The following GABRG3 variants were observed in gnomAD, a reference collection of about 807,000 sequenced individuals.
The protein encoded by GABRG3 is gamma-aminobutyric acid receptor subunit gamma-3.
GABRG3 carries 25 observed loss-of-function variants against 48.8 expected under a neutral mutation model. The observed-to-expected ratio is 0.51, with a 90% CI of 0.37 to 0.72. GABRG3 has a LOEUF of 0.72. GABRG3 is among the 30% of genes least tolerant of loss of function. The pLI is 0.00. For synonymous variants in GABRG3, 227 were observed against 217.6 expected, an observed-to-expected ratio of 1.04 and a Z score of -0.38; for missense variants, 394 against 577.9, an observed-to-expected ratio of 0.68 and a Z score of 3.26.
At chr15:27,486,163 C>T (rs767373551) in intron 6 of GABRG3, among the ~76,000 whole-genome samples, 11 of 152,224 alleles carry the variant, frequency 7.2e-5, no homozygotes, top group South Asian at 2.1e-4. Context: ...CGCTTAGAAG[C>T]GGCTTTGTAG....
intron 3 of GABRG3, among the ~76,000 whole-genome samples, chr15:27,067,801 C>A (rs997626722): frequency 6.6e-6 from 1 of 152,210 alleles, no homozygotes; most frequent in Admixed American, 6.5e-5. Flanking sequence ...CTGTACTAAT[C>A]TCTTTTCTGT....
At chr15:27,129,674 T>G (rs1897881894) in intron 3 of GABRG3, among the ~76,000 whole-genome samples, 1 of 152,136 alleles carries the variant, frequency 6.6e-6, no homozygotes, top group African/African-American at 2.4e-5. Context: ...AAATGCCAAT[T>G]TCTCCACATC....
intron 6 of GABRG3, among the ~76,000 whole-genome samples, chr15:27,482,223 A>G (rs1890116405): frequency 6.6e-6 from 1 of 152,244 alleles, no homozygotes; most frequent in South Asian, 2.1e-4. Flanking sequence ...AATAAGTTTT[A>G]CAACCACATT....
intron 3 of GABRG3, among the ~76,000 whole-genome samples, chr15:27,131,087 G>A (rs979348154): frequency 3.3e-5 from 5 of 152,004 alleles, no homozygotes; most frequent in Non-Finnish European, 7.4e-5. Context: ...AATAGAAGTG[G>A]TAAAGTGGGC....
intron 2 of GABRG3, among the ~76,000 whole-genome samples, chr15:26,986,667 T>C (rs886991419): frequency 3.3e-5 from 5 of 152,252 alleles, no homozygotes; most frequent in African/African-American, 1.2e-4. Context: ...GGTTTCAGCA[T>C]CTAAGTATTT....
intron 5 of GABRG3, among the ~76,000 whole-genome samples, chr15:27,373,433 A>G (rs1282113965): frequency 6.6e-6 from 1 of 152,208 alleles, no homozygotes; most frequent in Non-Finnish European, 1.5e-5. Context: ...AAATCCCTAC[A>G]GGGAAATAAA....
chr15:27,484,491 T>G (rs1424372665), intron 6 of GABRG3, among the ~76,000 whole-genome samples: 1 of 152,192 alleles, frequency 6.6e-6, no homozygotes, highest in African/African-American at 2.4e-5. Context: ...TATGCATACA[T>G]GTATGAGTTG....
intron 3 of GABRG3, among the ~76,000 whole-genome samples, chr15:27,222,027 G>A (rs985142004): frequency 6.6e-6 from 1 of 152,150 alleles, no homozygotes; most frequent in African/African-American, 2.4e-5. Flanking sequence ...TATTCTTTCT[G>A]CCTTTCAAAA....
At chr15:27,481,367 T>C (rs1353030715) in intron 6 of GABRG3, 1 of 608,026 alleles carries the variant, frequency 1.6e-6, no homozygotes, top group African/African-American at 2.0e-5. Flanking sequence ...TTTTGCTTTT[T>C]GTCTTATGTC....
intron 2 of GABRG3, among the ~76,000 whole-genome samples, chr15:26,990,314 A>G (rs1329808307): frequency 1.3e-5 from 2 of 152,204 alleles, no homozygotes; most frequent in African/African-American, 4.8e-5. Context: ...GATAAAAGCC[A>G]TTTTAACTGG....
chr15:27,439,270 C>T (rs1888710562), intron 5 of GABRG3, among the ~76,000 whole-genome samples: 1 of 152,132 alleles, frequency 6.6e-6, no homozygotes, highest in Non-Finnish European at 1.5e-5. Context: ...GAGAGGAAAA[C>T]TGCATTTTCT....
chr15:27,236,975 T>C lies in GABRG3; in HGVS notation c.271-89834T>C, dbSNP rs1033209918. Among the ~76,000 whole-genome samples the C allele has an allele frequency of 6.6e-6, 1 of 152,226 alleles. No individual in the cohort carries two copies. The highest frequency in any genetic ancestry group is 2.4e-5 in the African/African-American group (1 of 41,470). ...GTGCTGGAGGTTATGCTTCCCAGCC[T>C]GCAGGACGGCCACCCGTATGAAATA... is the stretch of plus-strand genomic sequence containing the variant. On this transcript the variant is annotated intron_variant, in intron 3 of 9. Coordinates refer to ENST00000615808, the MANE Select transcript of GABRG3 (RefSeq NM_033223.5). This position sits in a 1 kb window ranked among gnomAD's most constrained non-coding sequence, Gnocchi z 4.4.
At chr15:27,397,231 C>T (rs1209061592) in intron 5 of GABRG3, among the ~76,000 whole-genome samples, 1 of 150,206 alleles carries the variant, frequency 6.7e-6, no homozygotes, top group African/African-American at 2.5e-5. Flanking sequence ...AATATGCTGA[C>T]TTGATTTTGT....
At chr15:27,513,092 G>C (rs73369598) in intron 6 of GABRG3, among the ~76,000 whole-genome samples, 7,643 of 151,734 alleles carry the variant, frequency 0.05, 660 homozygotes, top group African/African-American at 0.18. Context: ...AAGATGAGAG[G>C]AGATATCAAG....
chr15:27,026,066 C>T (rs1034594487), intron 2 of GABRG3, among the ~76,000 whole-genome samples: 8 of 152,182 alleles, frequency 5.3e-5, no homozygotes, highest in Non-Finnish European at 8.8e-5. Context: ...CTCTGACATA[C>T]GGCGTTAGAG....
intron 3 of GABRG3, among the ~76,000 whole-genome samples, chr15:27,097,989 A>G (rs1392279150): frequency 6.8e-6 from 1 of 146,946 alleles, no homozygotes; most frequent in East Asian, 2.0e-4. Context: ...GAATTAAAAG[A>G]AAAAAAAAAA....
At chr15:27,153,732 T>C (rs1414003752) in intron 3 of GABRG3, among the ~76,000 whole-genome samples, 1 of 152,220 alleles carries the variant, frequency 6.6e-6, no homozygotes, top group Non-Finnish European at 1.5e-5. Context: ...GTATTTTCTC[T>C]TATTCTTTGG....
intron 3 of GABRG3, among the ~76,000 whole-genome samples, chr15:27,206,196 A>G (rs572655633): frequency 6.6e-6 from 1 of 152,288 alleles, no homozygotes; most frequent in East Asian, 1.9e-4. Flanking sequence ...ATTTAGCACT[A>G]TAAACTTTCC....
At chr15:27,035,015 C>T (rs1361185854) in intron 3 of GABRG3, among the ~76,000 whole-genome samples, 1 of 152,212 alleles carries the variant, frequency 6.6e-6, no homozygotes, top group Non-Finnish European at 1.5e-5. Flanking sequence ...AGCACCTGAA[C>T]TCACAGGTAA....
Sources: allele counts gnomAD v4.1 joint callset (sites outside exome capture counted in the v4.1 genomes callset), GRCh38; gene constraint gnomAD v4.1.1; non-coding constraint Gnocchi (gnomAD v3.1); transcripts MANE v1.5; gene names NCBI Gene and HGNC (gene_info 2026-07-23, HGNC 2026-07-21).